Variants in RABGAP1L observed in about 807,000 individuals in gnomAD.
The protein encoded by RABGAP1L is rab GTPase-activating protein 1-like.
A neutral mutation model predicts 137.7 loss-of-function variants in RABGAP1L; 63 were observed. The ratio of observed to expected loss-of-function variants is 0.46; its 90% CI spans 0.37 to 0.56. The LOEUF is 0.56. Among genes scored for constraint, RABGAP1L ranks in the 20% least tolerant of loss-of-function variants. RABGAP1L has a pLI of 0.00. For synonymous variants in RABGAP1L, 431 were observed against 433.7 expected, an observed-to-expected ratio of 0.99 and a Z score of 0.08; for missense variants, 1,095 against 1,244.0, an observed-to-expected ratio of 0.88 and a Z score of 1.80.
intron 13 of RABGAP1L, among the ~76,000 whole-genome samples, chr1:174,552,753 G>C (rs1039525904): frequency 1.3e-5 from 2 of 152,114 alleles, no homozygotes; most frequent in Admixed American, 6.6e-5. Flanking sequence ...TAATGGGTTT[G>C]CTGAGTCAAA....
chr1:174,321,757 T>C lies in RABGAP1L; in HGVS notation c.1465+16630T>C, dbSNP rs149924900. On this transcript the variant is annotated intron_variant, in intron 11 of 25. Coordinates refer to ENST00000681986, the MANE Select transcript of RABGAP1L (RefSeq NM_001366446.1). ...CAGTTGCTCTATACCCTTGTTAGCA[T>C]TTGGCCTTACTAGTTTAAAAAAATT... 7.6e-4 allele frequency among the ~76,000 whole-genome samples: 115 copies of C among 152,308 alleles called. No homozygotes were observed. In the East Asian group the frequency reaches 0.022, roughly 29 times the overall value.
At chr1:174,595,576 C>T (rs1035195041) in intron 13 of RABGAP1L, among the ~76,000 whole-genome samples, 4 of 146,558 alleles carry the variant, frequency 2.7e-5, no homozygotes, top group Non-Finnish European at 6.0e-5. Context: ...TTCTAACAGA[C>T]AGGACCCTCA....
At chr1:174,810,981 A>G (rs1490206544) in intron 18 of RABGAP1L, among the ~76,000 whole-genome samples, 1 of 151,848 alleles carries the variant, frequency 6.6e-6, no homozygotes, top group African/African-American at 2.4e-5. Context: ...GTGTGCCTGT[A>G]GTTCCATCTA....
chr1:174,933,099 CATACATACATACATACATTT>C (rs1451881057), intron 19 of RABGAP1L, among the ~76,000 whole-genome samples: 5 of 152,066 alleles, frequency 3.3e-5, no homozygotes, highest in African/African-American at 9.7e-5. Flanking sequence ...TACATGCATA[CATACATACATACATACATTT>C]ATACATACAT....
rs1473042961 is a variant in RABGAP1L at position 174,377,637 on chromosome 1, A to G, written c.1559+6565A>G. Among the ~76,000 whole-genome samples the G allele has an allele frequency of 2.6e-5, 4 of 152,202 alleles. No homozygotes were observed. The East Asian group carries it at 5.8e-4, about 22-fold the overall frequency. ...ATCATTAACCATCAGGGAAATGCCA[A>G]TCAAAGCTACAGTGAGATACCACTT... On this transcript the variant is annotated intron_variant, in intron 12 of 25. Transcript: ENST00000681986.
intron 13 of RABGAP1L, among the ~76,000 whole-genome samples, chr1:174,496,993 T>C (rs1290678884): frequency 6.6e-6 from 1 of 152,236 alleles, no homozygotes. Flanking sequence ...AGTCATTGTG[T>C]ATAAATTTTA....
At chr1:174,440,084 T>C (rs895580783) in intron 13 of RABGAP1L, among the ~76,000 whole-genome samples, 2 of 152,160 alleles carry the variant, frequency 1.3e-5, no homozygotes, top group Admixed American at 6.6e-5. Context: ...ATAAATATCC[T>C]GAGGCCGTAG....
At position 174,551,369 on chromosome 1, in the gene RABGAP1L, T is replaced by G. The variant is rs368977114; in HGVS notation, c.1711-86006T>G. ...AGTATGTTGTCTGACCACAGTAGATTCAAAGTAGAAATCAGTAACAGACAA... is the reference window on the plus strand; with the variant it reads ...AGTATGTTGTCTGACCACAGTAGATGCAAAGTAGAAATCAGTAACAGACAA... On this transcript the variant is annotated intron_variant, in intron 13 of 25. Transcript: ENST00000681986. Among the ~76,000 whole-genome samples, 22 of 152,030 alleles carry G rather than the reference T, an allele frequency of 1.4e-4. No individual in the cohort carries two copies. In the East Asian group the frequency reaches 4.1e-3, roughly 28 times the overall value.
chr1:174,339,928 C>G (rs1325922945), intron 11 of RABGAP1L, among the ~76,000 whole-genome samples: 2 of 152,068 alleles, frequency 1.3e-5, no homozygotes, highest in Admixed American at 1.3e-4. Context: ...TTTTATGAAG[C>G]TTAAGTTTCA....
intron 12 of RABGAP1L, among the ~76,000 whole-genome samples, chr1:174,387,160 A>G (rs1160445809): frequency 6.6e-6 from 1 of 152,200 alleles, no homozygotes; most frequent in Non-Finnish European, 1.5e-5. Context: ...TTATTTAACA[A>G]AGTAACTGAA....
intron 13 of RABGAP1L, among the ~76,000 whole-genome samples, chr1:174,481,168 C>G (rs1659048805): frequency 6.6e-6 from 1 of 152,192 alleles, no homozygotes; most frequent in Admixed American, 6.5e-5. Flanking sequence ...CGCCAGCCCA[C>G]TCCGAAACAG....
intron 13 of RABGAP1L, among the ~76,000 whole-genome samples, chr1:174,403,241 GTGTGTGTATATA>G (rs1403989176): frequency 7.9e-5 from 10 of 126,128 alleles, no homozygotes; most frequent in African/African-American, 3.9e-4. Context: ...GTGTGTGTGT[GTGTGTGTATATA>G]TATGTGTATA....
chr1:174,768,330 C>T (rs1318939181), intron 18 of RABGAP1L, among the ~76,000 whole-genome samples: 1 of 152,096 alleles, frequency 6.6e-6, no homozygotes. Context: ...TTGTAGCTTG[C>T]GCCAGGGAAA....
intron 13 of RABGAP1L, among the ~76,000 whole-genome samples, chr1:174,610,953 T>C (rs2148210178): frequency 1.3e-5 from 2 of 151,984 alleles, no homozygotes; most frequent in South Asian, 4.2e-4. Context: ...TTCTGGATAT[T>C]AGCCCTTTGT....
intron 19 of RABGAP1L, among the ~76,000 whole-genome samples, chr1:174,851,967 C>G (rs1427768571): frequency 6.6e-6 from 1 of 152,128 alleles, no homozygotes; most frequent in African/African-American, 2.4e-5. Flanking sequence ...CTTAGTTTTT[C>G]TAGAGTTTCA....
At chr1:174,751,229 A>G (rs1684313228) in intron 17 of RABGAP1L, among the ~76,000 whole-genome samples, 1 of 152,186 alleles carries the variant, frequency 6.6e-6, no homozygotes, top group Non-Finnish European at 1.5e-5. Flanking sequence ...TCATTATGTT[A>G]TATTTCTGGT....
At chr1:174,495,219 G>GT (rs1373043976) in intron 13 of RABGAP1L, among the ~76,000 whole-genome samples, 1 of 152,150 alleles carries the variant, frequency 6.6e-6, no homozygotes, top group Non-Finnish European at 1.5e-5. Context: ...TTGTTTCAGT[G>GT]TAACTTCTAG....
intron 4 of RABGAP1L, among the ~76,000 whole-genome samples, chr1:174,239,126 T>TCGCGCACCGTG (rs1671543201): frequency 6.6e-6 from 1 of 152,130 alleles, no homozygotes; most frequent in South Asian, 2.1e-4. Context: ...CTGCTTCGGC[T>TCGCGCACCGTG]CGCGCACCGT....
intron 11 of RABGAP1L, among the ~76,000 whole-genome samples, chr1:174,351,768 T>C (rs1683210863): frequency 6.7e-6 from 1 of 148,540 alleles, no homozygotes; most frequent in Non-Finnish European, 1.5e-5. Flanking sequence ...TTTCTCTACG[T>C]TTGGGAAGTT....
Sources: gnomAD v4.1 joint callset for allele counts (sites outside exome capture counted in the v4.1 genomes callset) on GRCh38, gnomAD v4.1.1 for gene constraint, MANE v1.5 for transcripts, NCBI Gene and HGNC (gene_info 2026-07-23, HGNC 2026-07-21) for gene names.